WDR27: variants seen among roughly 807,000 people sequenced by gnomAD.
The protein encoded by WDR27 is WD repeat-containing protein 27.
In WDR27, 100 loss-of-function variants were observed where a neutral mutation model predicts 114.4. The ratio of observed to expected loss-of-function variants is 0.87; its 90% CI spans 0.74 to 1.03. The LOEUF is 1.03. WDR27 is among the 50% of genes least tolerant of loss of function. WDR27 has a pLI of 0.00. For missense variants in WDR27, 1,129 were observed against 1,092.9 expected (o/e 1.03, Z -0.47); for synonymous variants, 449 against 423.1 (o/e 1.06, Z -0.75).
chr6:169,611,443 T>C (rs1810507694), intron 22 of WDR27, among the ~76,000 whole-genome samples: 1 of 151,638 alleles, frequency 6.6e-6, no homozygotes, highest in Non-Finnish European at 1.5e-5. Context: ...GTAGGTGGGA[T>C]TACAGGTGCC....
chr6:169,658,991 C>A (rs1825156373), intron 12 of WDR27, 95 bp downstream of exon 12: 3 of 1,448,496 alleles, frequency 2.1e-6, no homozygotes, highest in East Asian at 4.9e-5. Flanking sequence ...CCGGCCAGAG[C>A]TCAGAGTTTT....
chr6:169,581,860 G>A (rs1279410082), intron 24 of WDR27, among the ~76,000 whole-genome samples: 4 of 152,232 alleles, frequency 2.6e-5, no homozygotes, highest in Non-Finnish European at 4.4e-5. Flanking sequence ...GGTCACACGC[G>A]CTAGGCCAGA....
chr6:169,474,828 T>C (rs1001375389), intron 25 of WDR27, among the ~76,000 whole-genome samples: 1 of 152,222 alleles, frequency 6.6e-6, no homozygotes, highest in Non-Finnish European at 1.5e-5. Flanking sequence ...ATCTCTCATA[T>C]AGGACATGCA....
intron 25 of WDR27, among the ~76,000 whole-genome samples, chr6:169,560,269 C>T (rs934126431): frequency 3.3e-5 from 5 of 152,194 alleles, no homozygotes; most frequent in Non-Finnish European, 5.9e-5. Flanking sequence ...TTCCCTGCCA[C>T]CATGTAAAAA....
chr6:169,568,290 T>TA (rs142426096), intron 25 of WDR27, among the ~76,000 whole-genome samples: 3,178 of 151,736 alleles, frequency 0.021, 70 homozygotes, highest in East Asian at 0.081. Context: ...GGTTTCAAAG[T>TA]AAAAAAACAC....
intron 25 of WDR27, among the ~76,000 whole-genome samples, chr6:169,475,646 C>G (rs1009295605): frequency 6.6e-6 from 1 of 152,056 alleles, no homozygotes; most frequent in African/African-American, 2.4e-5. Context: ...ACCAAATAAC[C>G]CATCTTTTCC....
chr6:169,544,155 G>A (rs1353464404), intron 25 of WDR27, among the ~76,000 whole-genome samples: 1 of 152,086 alleles, frequency 6.6e-6, no homozygotes, highest in Non-Finnish European at 1.5e-5. Context: ...GGTGATGATT[G>A]GATGCTCTCC....
chr6:169,648,286 C>G (rs937878062), intron 15 of WDR27, among the ~76,000 whole-genome samples: 2 of 152,188 alleles, frequency 1.3e-5, no homozygotes, highest in Non-Finnish European at 2.9e-5. Flanking sequence ...ATGCCAATGC[C>G]TTCCGTGCAC....
rs73789960 is a variant in WDR27, at chr6:169,473,339, G to A, written c.2646-15705C>T. 1.4e-3 allele frequency among the ~76,000 whole-genome samples: 207 copies of A among 152,186 alleles called. 3 individuals are homozygous for A. The East Asian group carries it at 0.032, about 24-fold the overall frequency. ...ACAAAAGGGAAGGAGGCTCAGTTTC[G>A]GTTTCCTGTGGAACTCAATGAACTA... On this transcript the variant is annotated intron_variant, in intron 25 of 25. Transcript: ENST00000448612.
chr6:169,657,350 G>C (rs1428347600), intron 13 of WDR27, among the ~76,000 whole-genome samples: 32 of 152,240 alleles, frequency 2.1e-4, no homozygotes, highest in Non-Finnish European at 2.4e-4. Flanking sequence ...GGCTGCGTGG[G>C]AGCATGAAGG....
intron 19 of WDR27, 128 bp downstream of exon 19, chr6:169,636,243 G>A: frequency 9.1e-7 from 1 of 1,092,962 alleles, no homozygotes; most frequent in Admixed American, 2.8e-5. Context: ...CTCTCATCAA[G>A]AGTTTGGTGA....
chr6:169,488,478 A>T (rs1435145538), intron 25 of WDR27, among the ~76,000 whole-genome samples: 1 of 152,242 alleles, frequency 6.6e-6, no homozygotes, highest in African/African-American at 2.4e-5. Context: ...GATAATGAGC[A>T]GCAAAGAAAG....
chr6:169,634,094 T>G (rs1322848531), intron 20 of WDR27, among the ~76,000 whole-genome samples: 1 of 152,140 alleles, frequency 6.6e-6, no homozygotes, highest in Non-Finnish European at 1.5e-5. Context: ...CCGCTATGAT[T>G]TTTGCCAGCT....
At chr6:169,506,733 C>G (rs1792043893) in intron 25 of WDR27, among the ~76,000 whole-genome samples, 1 of 152,198 alleles carries the variant, frequency 6.6e-6, no homozygotes, top group African/African-American at 2.4e-5. Context: ...GTACTGCAAT[C>G]AAAGGTGAAC....
rs367843889 is a variant in WDR27, at chr6:169,658,614, C to T, written c.1320-256G>A. ...AATTAAAATAAACTATCAACTATTT[C>T]GTTTTCAACAAGATAGAAGCAACAG... is the stretch of plus-strand genomic sequence containing the variant. On this transcript the variant is annotated intron_variant, in intron 12 of 25. Transcript: ENST00000448612. 2.7e-4 allele frequency among the ~76,000 whole-genome samples: 41 copies of T among 151,902 alleles called. No homozygotes were observed. In the South Asian group the frequency reaches 5.2e-3, roughly 19 times the overall value.
At position 169,659,647 on chromosome 6, in the gene WDR27, C is replaced by T. The variant is rs1825426547; in HGVS notation, c.1130-129G>A. 2 of 826,896 alleles carry T rather than the reference C, an allele frequency of 2.4e-6. No homozygotes were observed. The highest frequency in any genetic ancestry group is 1.7e-5 in the African/African-American group (1 of 59,360). 51.2% of individuals were successfully genotyped at this position (826,896 alleles called of 1,614,324 possible). The stretch of plus-strand genomic sequence containing the variant: ...CACACAGTCCAGGCCCCACCACACA[C>T]TTTGCAGGCTGTGCACCACATCCTC... On this transcript the variant is annotated intron_variant, in intron 10 of 25. Transcript: ENST00000448612. This position sits in a 1 kb window ranked among gnomAD's most constrained non-coding sequence, Gnocchi z 4.3.
chr6:169,621,494 A>G (rs1813232099), intron 21 of WDR27, among the ~76,000 whole-genome samples: 1 of 152,164 alleles, frequency 6.6e-6, no homozygotes, highest in South Asian at 2.1e-4. Flanking sequence ...GCACACATAT[A>G]CATACCCACA....
chr6:169,555,413 G>T (rs956206934), intron 25 of WDR27, among the ~76,000 whole-genome samples: 1 of 152,152 alleles, frequency 6.6e-6, no homozygotes, highest in Non-Finnish European at 1.5e-5. Flanking sequence ...AAGGATGGAA[G>T]GGAGACCAGG....
At chr6:169,564,075 A>G (rs1800071237) in intron 25 of WDR27, among the ~76,000 whole-genome samples, 1 of 152,218 alleles carries the variant, frequency 6.6e-6, no homozygotes, top group South Asian at 2.1e-4. Flanking sequence ...CAAAACCTCA[A>G]AAGTAGGGAA....
Sources: allele counts gnomAD v4.1 joint callset (sites outside exome capture counted in the v4.1 genomes callset), GRCh38; gene constraint gnomAD v4.1.1; non-coding constraint Gnocchi (gnomAD v3.1); transcripts MANE v1.5; gene names NCBI Gene and HGNC (gene_info 2026-07-23, HGNC 2026-07-21).